The following RIT2 variants were observed in gnomAD, a reference collection of about 807,000 sequenced individuals.
RIT2 encodes the protein Ras like without CAAX 2, also known as GTP-binding protein Rit2.
In RIT2, 24 loss-of-function variants were observed where a neutral mutation model predicts 23.7. The ratio of observed to expected loss-of-function variants is 1.01; its 90% CI spans 0.73 to 1.43. The LOEUF is 1.43. Among genes scored for constraint, RIT2 ranks in the 40% most tolerant of loss-of-function variants. The pLI is 0.00. For synonymous variants in RIT2, 107 were observed against 91.1 expected, an observed-to-expected ratio of 1.17 and a Z score of -0.99; for missense variants, 236 against 266.9, an observed-to-expected ratio of 0.88 and a Z score of 0.81.
chr18:43,097,377 C>T (rs745802018), intron 1 of RIT2, among the ~76,000 whole-genome samples: 44 of 151,422 alleles, frequency 2.9e-4, no homozygotes, highest in Non-Finnish European at 4.7e-4. Context: ...TATACAAATC[C>T]GAATATGTTA....
intron 4 of RIT2, among the ~76,000 whole-genome samples, chr18:42,916,723 T>C (rs1264331854): frequency 6.6e-6 from 1 of 152,114 alleles, no homozygotes; most frequent in Non-Finnish European, 1.5e-5. Flanking sequence ...TGACATACAC[T>C]GTGCTAGATA....
intron 2 of RIT2, among the ~76,000 whole-genome samples, chr18:43,000,113 T>A (rs746116429): frequency 6.6e-6 from 1 of 152,104 alleles, no homozygotes; most frequent in South Asian, 2.1e-4. Flanking sequence ...AATGAAGAAG[T>A]ATAACCTGAG....
chr18:42,778,566 A>G (rs1313426790), intron 4 of RIT2, among the ~76,000 whole-genome samples: 2 of 152,152 alleles, frequency 1.3e-5, no homozygotes, highest in Non-Finnish European at 2.9e-5. Context: ...TGTACATGGG[A>G]TTATCTGTCA....
intron 4 of RIT2, among the ~76,000 whole-genome samples, chr18:42,902,380 T>C (rs1908498753): frequency 6.6e-6 from 1 of 151,728 alleles, no homozygotes; most frequent in Admixed American, 6.6e-5. Flanking sequence ...ATTAAGAATA[T>C]AAATTCAGAA....
chr18:42,873,858 C>A (rs1362540482), intron 4 of RIT2, among the ~76,000 whole-genome samples: 1 of 152,054 alleles, frequency 6.6e-6, no homozygotes, highest in East Asian at 1.9e-4. Context: ...AGTTTTGAAG[C>A]AGAGAGAGGC....
At chr18:42,782,794 T>A (rs1913841037) in intron 4 of RIT2, among the ~76,000 whole-genome samples, 5 of 152,072 alleles carry the variant, frequency 3.3e-5, no homozygotes, top group Admixed American at 3.3e-4. Context: ...AATGTTTCAA[T>A]GACAAGACAG....
intron 4 of RIT2, among the ~76,000 whole-genome samples, chr18:42,834,574 C>T (rs1906547456): frequency 6.6e-6 from 1 of 152,068 alleles, no homozygotes; most frequent in African/African-American, 2.4e-5. Flanking sequence ...CACACATACA[C>T]ACATACTTCT....
At chr18:42,815,143 CA>C (rs766923154) in intron 4 of RIT2, among the ~76,000 whole-genome samples, 1 of 152,150 alleles carries the variant, frequency 6.6e-6, no homozygotes, top group Non-Finnish European at 1.5e-5. Flanking sequence ...CACACTAGCT[CA>C]CCAGCAATGG....
intron 4 of RIT2, among the ~76,000 whole-genome samples, chr18:42,799,134 A>G (rs1905455843): frequency 6.6e-6 from 1 of 152,224 alleles, no homozygotes; most frequent in African/African-American, 2.4e-5. Context: ...GACTTCAGAG[A>G]TAGAAAATAG....
chr18:42,981,547 C>T (rs1041876778), intron 2 of RIT2, among the ~76,000 whole-genome samples: 7 of 151,918 alleles, frequency 4.6e-5, no homozygotes, highest in Admixed American at 4.6e-4. Flanking sequence ...ATTGTTCCTG[C>T]TATGTAAAAT....
chr18:42,981,423 A>G (rs961898743), intron 2 of RIT2, among the ~76,000 whole-genome samples: 7 of 152,162 alleles, frequency 4.6e-5, no homozygotes, highest in Admixed American at 2.0e-4. Flanking sequence ...CTCGGAGAGG[A>G]TTCCAATGTA....
chr18:42,767,811 G>A (rs777638288), intron 4 of RIT2, among the ~76,000 whole-genome samples: 2 of 152,140 alleles, frequency 1.3e-5, no homozygotes, highest in Non-Finnish European at 2.9e-5. Flanking sequence ...TCTTCTGATA[G>A]TGAATAAGTC....
intron 1 of RIT2, among the ~76,000 whole-genome samples, chr18:43,065,325 G>T (rs1912747497): frequency 6.7e-6 from 1 of 149,736 alleles, no homozygotes; most frequent in African/African-American, 2.5e-5. Flanking sequence ...AAAACTCCTG[G>T]GCTCAAGCGA....
intron 1 of RIT2, among the ~76,000 whole-genome samples, chr18:43,064,193 T>C (rs1912718501): frequency 6.6e-6 from 1 of 152,088 alleles, no homozygotes; most frequent in Non-Finnish European, 1.5e-5. Context: ...TGAAGGAAAG[T>C]AAATTAAGGT....
At chr18:42,988,192 C>T (rs961403530) in intron 2 of RIT2, among the ~76,000 whole-genome samples, 5 of 151,512 alleles carry the variant, frequency 3.3e-5, no homozygotes, top group South Asian at 4.2e-4. Context: ...GTGAGAGAAT[C>T]GAGACAGAAA....
At chr18:42,789,616 G>A (rs570027443) in intron 4 of RIT2, among the ~76,000 whole-genome samples, 1 of 151,906 alleles carries the variant, frequency 6.6e-6, no homozygotes, top group Admixed American at 6.5e-5. Context: ...CTTTATTTTT[G>A]TTCTCAGCAA....
intron 4 of RIT2, 139 bp from the exon 5 acceptor site, chr18:42,743,859 G>A (rs146544279): frequency 1.1e-5 from 7 of 628,206 alleles, no homozygotes; most frequent in East Asian, 2.8e-5. Context: ...GCAGGTATAC[G>A]CCCAGATGGC....
chr18:42,985,150 A>C (rs566329136), intron 2 of RIT2, among the ~76,000 whole-genome samples: 11 of 152,232 alleles, frequency 7.2e-5, no homozygotes, highest in East Asian at 5.8e-4. Context: ...ATGGGAAATT[A>C]GATTATTTAA....
At chr18:42,770,156 T>C (rs901101709) in intron 4 of RIT2, among the ~76,000 whole-genome samples, 1 of 152,140 alleles carries the variant, frequency 6.6e-6, no homozygotes, top group African/African-American at 2.4e-5. Context: ...AATTGTCCTG[T>C]GGGATCTCCA....
Sources: gnomAD v4.1 joint callset for allele counts (sites outside exome capture counted in the v4.1 genomes callset) on GRCh38, gnomAD v4.1.1 for gene constraint, MANE v1.5 for transcripts, NCBI Gene and HGNC (gene_info 2026-07-23, HGNC 2026-07-21) for gene names.